Variants in PTPRD observed in about 807,000 individuals in gnomAD.
PTPRD encodes protein tyrosine phosphatase receptor type D, also known as receptor-type tyrosine-protein phosphatase delta.
In PTPRD, 34 loss-of-function variants were observed where a neutral mutation model predicts 214.5. That is an observed-to-expected ratio of 0.16 (90% CI 0.12 to 0.21). The LOEUF is 0.21. Among genes scored for constraint, PTPRD ranks in the 10% least tolerant of loss-of-function variants. The probability of loss-of-function intolerance (pLI) is 1.00; values close to 1 mark genes in which losing one functional copy is unlikely to be tolerated. For missense variants in PTPRD, 2,545 were observed against 2,398.7 expected (o/e 1.06, Z -1.27); for synonymous variants, 1,128 against 845.7 (o/e 1.33, Z -5.79).
chr9:9,640,443 T>C (rs1033290732), intron 7 of PTPRD, among the ~76,000 whole-genome samples: 3 of 152,208 alleles, frequency 2.0e-5, no homozygotes, highest in African/African-American at 7.2e-5. Context: ...ATCTCTATAT[T>C]CTGCCCTGCC....
At chr9:8,385,115 G>A (rs2086527946) in intron 37 of PTPRD, among the ~76,000 whole-genome samples, 1 of 152,218 alleles carries the variant, frequency 6.6e-6, no homozygotes, top group African/African-American at 2.4e-5. Flanking sequence ...AGATGCTAGT[G>A]AAACTTCTAA....
intron 3 of PTPRD, among the ~76,000 whole-genome samples, chr9:10,124,970 A>C (rs1292100458): frequency 6.6e-6 from 1 of 152,214 alleles, no homozygotes. Context: ...GACCCTTGCA[A>C]ATGGCTGTGA....
chr9:9,937,821 A>T (rs986165278), intron 5 of PTPRD, among the ~76,000 whole-genome samples: 2 of 152,184 alleles, frequency 1.3e-5, no homozygotes, highest in Non-Finnish European at 2.9e-5. Context: ...AATAAGCTGT[A>T]TAATACATAT....
chr9:9,095,529 A>G lies in PTPRD; in HGVS notation c.-142-76794T>C, dbSNP rs117409226. On this transcript the variant is annotated intron_variant, in intron 10 of 45. Coordinates refer to ENST00000381196, the MANE Select transcript of PTPRD (RefSeq NM_002839.4). ...ATCTGTTGACAGGCAGGGCCTTAGG[A>G]AGTCTCCTGGGACTTGTCTCCAACT... Among the ~76,000 whole-genome samples, 814 of 152,200 alleles carry G rather than the reference A, an allele frequency of 5.3e-3. 7 individuals are homozygous for G. Among genetic ancestry groups the G allele is most frequent in the African/African-American group, 0.019 (775 of 41,524 alleles).
At chr9:9,780,246 C>G (rs1248176913) in intron 5 of PTPRD, among the ~76,000 whole-genome samples, 1 of 152,036 alleles carries the variant, frequency 6.6e-6, no homozygotes, top group Admixed American at 6.6e-5. Context: ...ATAGACACTG[C>G]AGATTCCAAG....
rs543118463 is a variant in PTPRD at position 8,605,676 on chromosome 9, C to T, written c.352+27641G>A. 6.6e-5 allele frequency among the ~76,000 whole-genome samples: 10 copies of T among 152,314 alleles called. No individual in the cohort carries two copies. The South Asian group carries it at 2.1e-3, about 32-fold the overall frequency. ...ATGAAAGGAGAATGTACCTAAATCA[C>T]CTGGCAGAATGCTTTTGCACATGAT... On this transcript the variant is annotated intron_variant, in intron 14 of 45. Transcript: ENST00000381196.
At chr9:10,394,940 C>T (rs1353854966) in intron 2 of PTPRD, among the ~76,000 whole-genome samples, 1 of 148,648 alleles carries the variant, frequency 6.7e-6, no homozygotes, top group African/African-American at 2.5e-5. Flanking sequence ...TATGTGTTGC[C>T]ACCATTTTTT....
At chr9:9,228,276 C>T (rs569814534) in intron 9 of PTPRD, among the ~76,000 whole-genome samples, 14 of 152,158 alleles carry the variant, frequency 9.2e-5, no homozygotes, top group African/African-American at 3.1e-4. Flanking sequence ...GGTCAGCTTT[C>T]TCTCAAAATG....
chr9:9,466,390 A>C (rs1188936603), intron 8 of PTPRD, among the ~76,000 whole-genome samples: 8 of 152,220 alleles, frequency 5.3e-5, no homozygotes, highest in African/African-American at 1.9e-4. Context: ...GCTATTATGA[A>C]TCATATACTA....
At chr9:9,895,859 C>G (rs1220175393) in intron 5 of PTPRD, among the ~76,000 whole-genome samples, 1 of 151,906 alleles carries the variant, frequency 6.6e-6, no homozygotes, top group Non-Finnish European at 1.5e-5. Context: ...TGATAAATAA[C>G]TTAAAAATCG....
At chr9:10,052,673 C>A (rs1475302383) in intron 3 of PTPRD, among the ~76,000 whole-genome samples, 3 of 152,064 alleles carry the variant, frequency 2.0e-5, no homozygotes, top group Non-Finnish European at 4.4e-5. Flanking sequence ...TAAAAAAGAT[C>A]CAGGCTCAAA....
rs570602228 is a variant in PTPRD at position 9,452,005 on chromosome 9, A to G, written c.-236-54523T>C. The stretch of plus-strand genomic sequence containing the variant: ...AGAATAGAATTATCATACGTACAGT[A>G]TAAAAAATATTTCTAGAATTGTTGG... On this transcript the variant is annotated intron_variant, in intron 8 of 45. Transcript: ENST00000381196. 4.0e-5 allele frequency among the ~76,000 whole-genome samples: 6 copies of G among 151,706 alleles called. No individual in the cohort carries two copies. The East Asian group carries it at 9.7e-4, about 25-fold the overall frequency.
chr9:10,072,671 G>A (rs1429531775), intron 3 of PTPRD, among the ~76,000 whole-genome samples: 4 of 151,986 alleles, frequency 2.6e-5, no homozygotes, highest in Non-Finnish European at 5.9e-5. Flanking sequence ...GCTTATTGTT[G>A]CATTTTACAG....
chr9:9,004,501 G>C (rs1218478419), intron 11 of PTPRD, among the ~76,000 whole-genome samples: 1 of 151,664 alleles, frequency 6.6e-6, no homozygotes, highest in Non-Finnish European at 1.5e-5. Context: ...CTTGGCTCTT[G>C]TTGGCTAAGA....
chr9:10,493,798 C>A (rs773203980), intron 2 of PTPRD, among the ~76,000 whole-genome samples: 3 of 151,942 alleles, frequency 2.0e-5, no homozygotes, highest in Non-Finnish European at 4.4e-5. Context: ...ACTCTCAACT[C>A]TTTAACTGTA....
In PTPRD at chr9:8,341,975, C is replaced by G. The variant is rs779308124; in HGVS notation, c.4665G>C (p.Ala1555=). 6.2e-7 allele frequency: 1 copy of G among 1,601,246 alleles called. No individual in the cohort carries two copies. The highest frequency in any genetic ancestry group is 8.5e-7 in the Non-Finnish European group (1 of 1,174,432). The change falls in exon 40 of 46, where the codon GCG becomes GCC. Residue 1555 remains alanine, a synonymous_variant. Coordinates refer to ENST00000381196, the MANE Select transcript of PTPRD (RefSeq NM_002839.4). ...DAGPMVVHCS[A]GVGRTGCFIV... ...TGAAGCAACCAGTCCGGCCAACTCC[C>G]GCACTATGAGGAAAATAGAGAAGAA...
intron 3 of PTPRD, among the ~76,000 whole-genome samples, chr9:10,243,094 C>A (rs2091429341): frequency 6.6e-6 from 1 of 152,014 alleles, no homozygotes; most frequent in African/African-American, 2.4e-5. Flanking sequence ...TGTCCCTTTG[C>A]ACTTTATGGA....
At chr9:9,752,784 T>A (rs1377351548) in intron 6 of PTPRD, among the ~76,000 whole-genome samples, 1 of 152,002 alleles carries the variant, frequency 6.6e-6, no homozygotes, top group Non-Finnish European at 1.5e-5. Context: ...GAAGATCCAT[T>A]AAATATGGCC....
chr9:8,897,024 G>T (rs2098621510), intron 11 of PTPRD, among the ~76,000 whole-genome samples: 1 of 152,148 alleles, frequency 6.6e-6, no homozygotes, highest in African/African-American at 2.4e-5. Flanking sequence ...TTTGATAGGA[G>T]AAACTTTAAT....
Sources: allele counts gnomAD v4.1 joint callset (sites outside exome capture counted in the v4.1 genomes callset), GRCh38; gene constraint gnomAD v4.1.1; transcripts MANE v1.5; gene names NCBI Gene and HGNC (gene_info 2026-07-23, HGNC 2026-07-21).